FOXP2: variants seen among roughly 807,000 people sequenced by gnomAD.
FOXP2 encodes the protein forkhead box protein P2.
A neutral mutation model predicts 115.8 loss-of-function variants in FOXP2; 12 were observed. The ratio of observed to expected loss-of-function variants is 0.10; its 90% confidence interval spans 0.07 to 0.17. The LOEUF (loss-of-function observed/expected upper bound fraction) is 0.17, where lower values mean the gene tolerates loss of function less well. FOXP2 is among the 10% of genes least tolerant of loss of function. FOXP2 has a pLI of 1.00. For synonymous variants in FOXP2, 328 were observed against 297.7 expected (o/e 1.10, Z -1.05); for missense variants, 629 against 843.5 (o/e 0.75, Z 3.15).
At chr7:114,614,190 G>T (rs1039498749) in intron 3 of FOXP2, among the ~76,000 whole-genome samples, 1 of 152,094 alleles carries the variant, frequency 6.6e-6, no homozygotes, top group Non-Finnish European at 1.5e-5. Flanking sequence ...ACTTCCATAA[G>T]CTAGCATCTA....
At chr7:114,253,499 A>C (rs543213209) in intron 1 of FOXP2, among the ~76,000 whole-genome samples, 2 of 152,292 alleles carry the variant, frequency 1.3e-5, no homozygotes, top group African/African-American at 4.8e-5. Flanking sequence ...ATATATATTT[A>C]GGATAGTTAG....
At chr7:114,219,718 A>C (rs574308554) in intron 1 of FOXP2, among the ~76,000 whole-genome samples, 68 of 151,994 alleles carry the variant, frequency 4.5e-4, no homozygotes, top group Non-Finnish European at 7.8e-4. Flanking sequence ...CCCTCCATTC[A>C]TTGTTATTTG....
chr7:114,316,624 A>C (rs2129180902), intron 2 of FOXP2, among the ~76,000 whole-genome samples: 1 of 152,262 alleles, frequency 6.6e-6, no homozygotes, highest in Non-Finnish European at 1.5e-5. Context: ...GACCTGAAGG[A>C]GACAAAGGAG....
At chr7:114,376,688 C>T (rs996545772) in intron 2 of FOXP2, among the ~76,000 whole-genome samples, 10 of 152,152 alleles carry the variant, frequency 6.6e-5, no homozygotes, top group East Asian at 1.9e-4. Context: ...GGACAGGATG[C>T]GTGCAGGAAA....
chr7:114,237,732 G>A (rs552678852), intron 1 of FOXP2, among the ~76,000 whole-genome samples: 2 of 151,676 alleles, frequency 1.3e-5, no homozygotes, highest in South Asian at 4.2e-4. Context: ...TCAGCACTTT[G>A]GGAGACTGAG....
At chr7:114,397,877 A>G (rs1286868884) in intron 2 of FOXP2, among the ~76,000 whole-genome samples, 1 of 152,232 alleles carries the variant, frequency 6.6e-6, no homozygotes, top group Non-Finnish European at 1.5e-5. Flanking sequence ...CAAGGGTGGC[A>G]GGAGTGGAGA....
chr7:114,529,979 G>A (rs1021322833), intron 2 of FOXP2, among the ~76,000 whole-genome samples: 2 of 151,680 alleles, frequency 1.3e-5, no homozygotes, highest in South Asian at 2.1e-4. Context: ...TTTATGTTTC[G>A]TATTCAAAGT....
chr7:114,644,638 A>G, intron 7 of FOXP2, 47 bp from the exon 8 acceptor site: 1 of 1,528,536 alleles, frequency 6.5e-7, no homozygotes, highest in Non-Finnish European at 9.1e-7. Context: ...GCCTGCAACG[A>G]TTATAGCTTT....
At chr7:114,402,495 T>G (rs1792909828) in intron 2 of FOXP2, among the ~76,000 whole-genome samples, 1 of 152,136 alleles carries the variant, frequency 6.6e-6, no homozygotes, top group South Asian at 2.1e-4. Context: ...AGTTAACTAA[T>G]CTGGTAAACA....
At chr7:114,152,275 T>A (rs1301767845) in intron 1 of FOXP2, among the ~76,000 whole-genome samples, 1 of 152,166 alleles carries the variant, frequency 6.6e-6, no homozygotes. Context: ...ATTTTAGTTT[T>A]CTTATCTGTG....
At chr7:114,246,787 C>T (rs994642169) in intron 1 of FOXP2, among the ~76,000 whole-genome samples, 7 of 152,054 alleles carry the variant, frequency 4.6e-5, no homozygotes, top group Non-Finnish European at 4.4e-5. Context: ...CTTGTTGAGT[C>T]AATTGTCTTT....
intron 13 of FOXP2, among the ~76,000 whole-genome samples, chr7:114,660,716 A>G (rs550301867): frequency 5.3e-5 from 8 of 152,270 alleles, no homozygotes; most frequent in South Asian, 2.1e-4. Context: ...TGTGCAATAT[A>G]TGTTTTGGAG....
At chr7:114,614,312 G>A (rs1418550213) in intron 3 of FOXP2, among the ~76,000 whole-genome samples, 4 of 151,552 alleles carry the variant, frequency 2.6e-5, no homozygotes, top group South Asian at 4.2e-4. Flanking sequence ...GTTGAATAAT[G>A]TTCATATGTA....
rs368923204 is a variant in FOXP2, at chr7:114,176,298, T to TTCTTTCTTTCTTTCTCTCTCTCTCTC, written c.-102+13213_-102+13214insTTCTTTCTTTCTCTCTCTCTCTCTCT. Among the ~76,000 whole-genome samples the TTCTTTCTTTCTTTCTCTCTCTCTCTC allele has an allele frequency of 1.4e-3, 110 of 76,534 alleles. 1 individual carries two copies. Among genetic ancestry groups the TTCTTTCTTTCTTTCTCTCTCTCTCTC allele is most frequent in the African/African-American group, 5.4e-3 (100 of 18,476 alleles). The allele number at this position is 76,534 out of a possible 152,430, so 50.2% of individuals were successfully genotyped here. ...TTTCTTTCTTTCTTTCTTTCTTTCT[T>TTCTTTCTTTCTTTCTCTCTCTCTCTC]TCTCTCTCTCTCTCTCTCTCTCTTT... On this transcript the variant is annotated intron_variant, in intron 1 of 17. Transcript: ENST00000634411.
chr7:114,117,048 C>A (rs1356586997), intron 1 of FOXP2, among the ~76,000 whole-genome samples: 1 of 152,018 alleles, frequency 6.6e-6, no homozygotes, highest in Non-Finnish European at 1.5e-5. Context: ...TAACTCTTTC[C>A]TTAAGCTTGG....
intron 2 of FOXP2, among the ~76,000 whole-genome samples, chr7:114,530,252 A>G (rs1465518604): frequency 6.6e-6 from 1 of 151,922 alleles, no homozygotes; most frequent in Admixed American, 6.6e-5. Context: ...TTTCATAAGA[A>G]GCCTAGGCAA....
intron 2 of FOXP2, among the ~76,000 whole-genome samples, chr7:114,399,887 C>T (rs1315480519): frequency 2.1e-5 from 3 of 145,730 alleles, no homozygotes; most frequent in Non-Finnish European, 4.5e-5. Context: ...GACAGAGTCT[C>T]ACTCTGTCAC....
intron 2 of FOXP2, among the ~76,000 whole-genome samples, chr7:114,338,559 A>G (rs1791111945): frequency 6.6e-6 from 1 of 151,178 alleles, no homozygotes; most frequent in Non-Finnish European, 1.5e-5. Flanking sequence ...GTACCAATGT[A>G]AATGATATTT....
intron 1 of FOXP2, among the ~76,000 whole-genome samples, chr7:114,259,244 TAATA>T (rs779751811): frequency 6.6e-6 from 1 of 152,172 alleles, no homozygotes; most frequent in Admixed American, 6.5e-5. Context: ...TCAAAATGCT[TAATA>T]AATAAATATT....
Sources: allele counts gnomAD v4.1 joint callset (sites outside exome capture counted in the v4.1 genomes callset), GRCh38; gene constraint gnomAD v4.1.1; transcripts MANE v1.5; gene names NCBI Gene and HGNC (gene_info 2026-07-23, HGNC 2026-07-21).